MID1: variants seen among roughly 807,000 people sequenced by gnomAD.
The protein encoded by MID1 is E3 ubiquitin-protein ligase Midline-1.
MID1 carries 7 observed loss-of-function variants against 40.4 expected under a neutral mutation model. The observed-to-expected ratio is 0.17, with a 90% CI of 0.10 to 0.33. The LOEUF (loss-of-function observed/expected upper bound fraction) is 0.33, where lower values mean the gene tolerates loss of function less well. Ranked by LOEUF, MID1 falls within the 10% of genes least tolerant of loss-of-function variation. The probability of loss-of-function intolerance (pLI) is 1.00; values close to 1 mark genes in which losing one functional copy is unlikely to be tolerated. For synonymous variants in MID1, 229 were observed against 221.2 expected, an observed-to-expected ratio of 1.04 and a Z score of -0.31; for missense variants, 367 against 558.5, an observed-to-expected ratio of 0.66 and a Z score of 3.46.
At chrX:10,656,840 C>T (rs777685193) in intron 1 of MID1, among the ~76,000 whole-genome samples, 13 of 110,614 alleles carry the variant, frequency 1.2e-4, no homozygotes, top group African/African-American at 3.3e-4. Flanking sequence ...TGCAGGCACC[C>T]GTGGAGTCTG....
At chrX:10,592,525 T>C (rs992346104) in intron 1 of MID1, among the ~76,000 whole-genome samples, 4 of 109,906 alleles carry the variant, frequency 3.6e-5, no homozygotes, top group Admixed American at 9.8e-5. Context: ...AAATGAAAAA[T>C]GTGCTTAAAA....
chrX:10,467,350 C>A (rs1260834289), intron 7 of MID1, among the ~76,000 whole-genome samples: 1 of 111,784 alleles, frequency 8.9e-6, no homozygotes, highest in Non-Finnish European at 1.9e-5. Context: ...ATTCAAAATC[C>A]TAGAAGGTGA....
intron 1 of MID1, among the ~76,000 whole-genome samples, chrX:10,580,948 A>AAC (rs1255308729): frequency 9.3e-6 from 1 of 107,998 alleles, no homozygotes; most frequent in Non-Finnish European, 1.9e-5. Context: ...AAAAAAAAAA[A>AAC]AAAAAAAAAA....
At chrX:10,670,884 C>T (rs1009749792) in intron 1 of MID1, among the ~76,000 whole-genome samples, 2 of 112,051 alleles carry the variant, frequency 1.8e-5, no homozygotes, top group African/African-American at 6.5e-5. Flanking sequence ...ACTATGCTCT[C>T]ACTTCATATT....
intron 3 of MID1, among the ~76,000 whole-genome samples, chrX:10,500,252 TG>T (rs1931474676): frequency 2.7e-5 from 3 of 112,090 alleles, no homozygotes; most frequent in South Asian, 3.7e-4. Flanking sequence ...ACCAAAAAAG[TG>T]GGCTGAAATC....
intron 4 of MID1, among the ~76,000 whole-genome samples, chrX:10,495,031 C>T (rs182849687): frequency 1.8e-5 from 2 of 111,055 alleles, no homozygotes; most frequent in East Asian, 2.8e-4. Context: ...GAAATTAAAA[C>T]ATAGAAACAT....
intron 1 of MID1, among the ~76,000 whole-genome samples, chrX:10,674,064 A>G (rs1213855782): frequency 8.9e-6 from 1 of 112,394 alleles, no homozygotes; most frequent in Non-Finnish European, 1.9e-5. Flanking sequence ...GAGAAGGAAC[A>G]GTAATTTATA....
chrX:10,454,848 A>ACAATAGAAATAAGTTGCTTAC (rs773663783), intron 9 of MID1, 22 bp downstream of exon 9: 16 of 1,169,786 alleles, frequency 1.4e-5, no homozygotes, highest in Non-Finnish European at 1.9e-5. Flanking sequence ...TAACTGCAGG[A>ACAATAGAAATAAGTTGCTTAC]CAATAGAAAT....
chrX:10,553,974 T>C (rs1327409618), intron 2 of MID1, among the ~76,000 whole-genome samples: 2 of 111,825 alleles, frequency 1.8e-5, no homozygotes, highest in African/African-American at 6.5e-5. Flanking sequence ...GCTTTAATCA[T>C]AGGTGACGAT....
chrX:10,786,106 C>CA (rs1240330650), intron 1 of MID1, among the ~76,000 whole-genome samples: 2 of 111,345 alleles, frequency 1.8e-5, no homozygotes, highest in East Asian at 2.8e-4. Context: ...ACAATGAACT[C>CA]AAACAAATTT....
intron 3 of MID1, chrX:10,505,379 A>G: frequency 1.3e-6 from 1 of 753,448 alleles, no homozygotes. Context: ...CAGTTCCAAA[A>G]TGAAGAAGCA....
Position 10,474,706 on chromosome X carries a change from A to G in MID1, c.1058T>C (p.Ile353Thr), listed in dbSNP as rs777949146. ...TASSQVLIPE[I>T]NLNDTFDTFA... Reference sequence around the variant, plus strand: ...GGTGTCAAATGTGTCATTGAGGTTGATTTCAGGAATTAGAACCTGGGAGGA... The same window carrying G: ...GGTGTCAAATGTGTCATTGAGGTTGGTTTCAGGAATTAGAACCTGGGAGGA... Residue 353 changes from isoleucine to threonine, a missense_variant, in exon 6 of 10, where the codon ATC (isoleucine) becomes ACC (threonine). Around this residue, in one of 3 missense-constraint regions of MID1, gnomAD observed 275 missense variants for 383.1 expected, o/e 0.72. Coordinates refer to ENST00000317552, the MANE Select transcript of MID1 (RefSeq NM_000381.4). 8.3e-7 allele frequency: 1 copy of G among 1,208,040 alleles called. No individual in the cohort carries two copies. The highest frequency in any genetic ancestry group is 1.1e-6 in the Non-Finnish European group (1 of 892,050).
intron 1 of MID1, among the ~76,000 whole-genome samples, chrX:10,715,732 C>T (rs1203036044): frequency 8.0e-5 from 9 of 111,924 alleles, no homozygotes; most frequent in East Asian, 2.8e-4. Context: ...GATCTGAGAA[C>T]GGACAGACTG....
chrX:10,697,497 C>G (rs1326886073), intron 1 of MID1, among the ~76,000 whole-genome samples: 2 of 111,708 alleles, frequency 1.8e-5, no homozygotes, highest in Non-Finnish European at 3.8e-5. Context: ...TCATGATTGC[C>G]TGTGTGCATT....
At chrX:10,542,700 C>T (rs1026118845) in intron 2 of MID1, among the ~76,000 whole-genome samples, 1 of 111,819 alleles carries the variant, frequency 8.9e-6, no homozygotes, top group African/African-American at 3.3e-5. Flanking sequence ...ATCTTAGTGT[C>T]TTCCCATCCC....
chrX:10,725,000 G>A (rs933645635), intron 1 of MID1, among the ~76,000 whole-genome samples: 1 of 112,157 alleles, frequency 8.9e-6, no homozygotes, highest in Non-Finnish European at 1.9e-5. Flanking sequence ...TAAAGGTGTT[G>A]TTCCATTATG....
intron 7 of MID1, among the ~76,000 whole-genome samples, chrX:10,465,214 T>TATATATATATATATAC (rs1477864693): frequency 1.1e-3 from 43 of 39,894 alleles, no homozygotes; most frequent in Non-Finnish European, 1.6e-3. Context: ...TATATATATA[T>TATATATATATATATAC]ACACACACAC....
At chrX:10,794,550 T>A (rs1398520178) in intron 1 of MID1, among the ~76,000 whole-genome samples, 1 of 112,176 alleles carries the variant, frequency 8.9e-6, no homozygotes, top group East Asian at 2.8e-4. Flanking sequence ...ACACACCCTA[T>A]AAATCACAAA....
chrX:10,794,473 C>T (rs2043955024), intron 1 of MID1, among the ~76,000 whole-genome samples: 1 of 112,352 alleles, frequency 8.9e-6, no homozygotes, highest in Admixed American at 9.4e-5. Context: ...AACACAAGAT[C>T]AACCATCACA....
Sources: allele counts gnomAD v4.1 joint callset (sites outside exome capture counted in the v4.1 genomes callset), GRCh38; gene constraint gnomAD v4.1.1; regional missense constraint gnomAD v4.1.1; transcripts MANE v1.5; gene names NCBI Gene and HGNC (gene_info 2026-07-23, HGNC 2026-07-21).